CTDSPL2: variants seen among roughly 807,000 people sequenced by gnomAD.
The protein encoded by CTDSPL2 is CTD small phosphatase like 2.
A neutral mutation model predicts 60.0 loss-of-function variants in CTDSPL2; 5 were observed. The observed-to-expected ratio is 0.08, with a 90% CI of 0.04 to 0.18. The LOEUF (loss-of-function observed/expected upper bound fraction) is 0.18, where lower values mean the gene tolerates loss of function less well. Ranked by LOEUF, CTDSPL2 falls within the 10% of genes least tolerant of loss-of-function variation. The probability of loss-of-function intolerance (pLI) is 1.00; values close to 1 mark genes in which losing one functional copy is unlikely to be tolerated. For missense variants in CTDSPL2, 370 were observed against 548.8 expected, an observed-to-expected ratio of 0.67 and a Z score of 3.26; for synonymous variants, 186 against 189.3, an observed-to-expected ratio of 0.98 and a Z score of 0.14.
At position 44,499,411 on chromosome 15, in the gene CTDSPL2, T is replaced by TA. The variant is rs564209908; in HGVS notation, c.883-308dup. Among the ~76,000 whole-genome samples the TA allele has an allele frequency of 5.5e-3, 830 of 151,832 alleles. 5 individuals are homozygous for TA. Among genetic ancestry groups the TA allele is most frequent in the Non-Finnish European group, 7.9e-3 (534 of 67,898 alleles). Reference sequence around the variant, plus strand: ...GAGACTCTGTCTCAAAAAATAAAAATAAAAAAAACACAGAGATTGCTGAGA... The same window carrying TA: ...GAGACTCTGTCTCAAAAAATAAAAATAAAAAAAAACACAGAGATTGCTGAGA... On this transcript the variant is annotated intron_variant, in intron 7 of 12. Transcript: ENST00000260327.
At chr15:44,439,063 A>G (rs1354430206) in intron 1 of CTDSPL2, among the ~76,000 whole-genome samples, 1 of 151,950 alleles carries the variant, frequency 6.6e-6, no homozygotes, top group Non-Finnish European at 1.5e-5. Context: ...TGATGCCTAA[A>G]TTGTATCATT....
intron 4 of CTDSPL2, among the ~76,000 whole-genome samples, chr15:44,487,996 T>C (rs1189640107): frequency 6.6e-6 from 1 of 151,132 alleles, no homozygotes; most frequent in Non-Finnish European, 1.5e-5. Flanking sequence ...CATGTGCCTG[T>C]AATCCCAGCT....
intron 1 of CTDSPL2, among the ~76,000 whole-genome samples, chr15:44,429,285 G>C (rs541138997): frequency 6.6e-6 from 1 of 152,262 alleles, no homozygotes; most frequent in African/African-American, 2.4e-5. Context: ...AAGGCGAATA[G>C]AATAGTGGAG....
At chr15:44,432,074 A>G (rs2079871947) in intron 1 of CTDSPL2, among the ~76,000 whole-genome samples, 1 of 151,876 alleles carries the variant, frequency 6.6e-6, no homozygotes, top group Non-Finnish European at 1.5e-5. Flanking sequence ...GGTGTAGAAT[A>G]TAGGAGCATT....
chr15:44,429,672 C>T (rs1208566652), intron 1 of CTDSPL2, among the ~76,000 whole-genome samples: 1 of 152,154 alleles, frequency 6.6e-6, no homozygotes, highest in Non-Finnish European at 1.5e-5. Flanking sequence ...TCGAGAACAG[C>T]CTGGCCAACA....
chr15:44,480,193 T>C (rs1216816172), intron 2 of CTDSPL2, among the ~76,000 whole-genome samples: 1 of 152,138 alleles, frequency 6.6e-6, no homozygotes, highest in African/African-American at 2.4e-5. Context: ...AGACCCCCTA[T>C]GCTATTGGAT....
intron 1 of CTDSPL2, chr15:44,428,184 G>A (rs1198119610): frequency 6.6e-6 from 1 of 152,478 alleles, no homozygotes; most frequent in South Asian, 2.1e-4. Context: ...GGTGCTTTTA[G>A]GGGGGCGTTG....
chr15:44,445,222 C>T (rs1275546997), intron 1 of CTDSPL2, among the ~76,000 whole-genome samples: 1 of 151,626 alleles, frequency 6.6e-6, no homozygotes, highest in Non-Finnish European at 1.5e-5. Context: ...CTCACTCCGG[C>T]TGTTGCCCTG....
Position 44,431,149 on chromosome 15 carries a change from C to CG in CTDSPL2, c.-25+3381dup, listed in dbSNP as rs755290965. On this transcript the variant is annotated intron_variant, in intron 1 of 12. Coordinates refer to ENST00000260327, the MANE Select transcript of CTDSPL2 (RefSeq NM_016396.3). ...CTTTTTTTTTTTTTTTTAATGGAGACGGGGTCTCGCTGTGTCACCCAGACT... is the reference window on the plus strand; with the variant it reads ...CTTTTTTTTTTTTTTTTAATGGAGACGGGGGTCTCGCTGTGTCACCCAGACT... Among the ~76,000 whole-genome samples, 3 of 148,166 alleles carry CG rather than the reference C, an allele frequency of 2.0e-5. 1 individual carries two copies. Among genetic ancestry groups the CG allele is most frequent in the African/African-American group, 7.5e-5 (3 of 40,166 alleles).
At position 44,484,269 on chromosome 15, in the gene CTDSPL2, A is replaced by C; in HGVS notation, c.232A>C (p.Ile78Leu). 6.2e-7 allele frequency: 1 copy of C among 1,611,838 alleles called. No individual in the cohort carries two copies. The highest frequency in any genetic ancestry group is 8.5e-7 in the Non-Finnish European group (1 of 1,178,032). ...PSKRSRIERD[I>L]DNNLITSTPR... ...AAAACGGAGTAGAATTGAACGTGAT[A>C]TAGATAACAATTTGATCACGTCAAC... The change falls in exon 3 of 13, where the codon ATA becomes CTA. Residue 78 changes from isoleucine (I) to leucine (L), a missense_variant. Ile to Leu is a conservative substitution (Grantham distance 5). Around this residue, in one of 6 missense-constraint regions of CTDSPL2, gnomAD observed 287 missense variants for 296.1 expected, o/e 0.97. Transcript: ENST00000260327.
chr15:44,435,256 CAAAAAAAA>C (rs35787192), intron 1 of CTDSPL2, among the ~76,000 whole-genome samples: 1 of 46,066 alleles, frequency 2.2e-5, no homozygotes, highest in Non-Finnish European at 4.8e-5. Context: ...GACTCCGTCT[CAAAAAAAA>C]AAAAAAAAAA....
chr15:44,456,860 T>TTTTTC (rs2080455200), intron 1 of CTDSPL2, among the ~76,000 whole-genome samples: 1 of 149,568 alleles, frequency 6.7e-6, no homozygotes, highest in African/African-American at 2.5e-5. Flanking sequence ...GATCTTTTTT[T>TTTTTC]TTTTTCTTTT....
chr15:44,486,098 A>G (rs1298795992), intron 3 of CTDSPL2, among the ~76,000 whole-genome samples: 1 of 152,142 alleles, frequency 6.6e-6, no homozygotes, highest in Non-Finnish European at 1.5e-5. Context: ...GCTTCAGTAG[A>G]GTTATGTTGC....
chr15:44,442,689 A>C (rs2080116126), intron 1 of CTDSPL2, among the ~76,000 whole-genome samples: 1 of 151,946 alleles, frequency 6.6e-6, no homozygotes, highest in Admixed American at 6.6e-5. Flanking sequence ...GCAAAAAAAA[A>C]ATAGGGCCAG....
At position 44,459,092 on chromosome 15, in the gene CTDSPL2, A is replaced by G. The variant is rs1369896191; in HGVS notation, c.78A>G (p.Lys26=). ...AACGCACTGCCAGAGCAAAGAGGAA[A>G]TATTCAGAGGTTGATGATAGCCTGC... is the stretch of plus-strand genomic sequence containing the variant. ...QTQRTARAKR[K]YSEVDDSLPS... The change falls in exon 2 of 13, where the codon AAA becomes AAG. Residue 26 remains lysine (K), a synonymous_variant. Coordinates refer to ENST00000260327, the MANE Select transcript of CTDSPL2 (RefSeq NM_016396.3). The G allele has an allele frequency of 1.9e-6, 3 of 1,613,158 alleles. No individual in the cohort carries two copies. Among genetic ancestry groups the G allele is most frequent in the East Asian group, 2.2e-5 (1 of 44,738 alleles).
intron 2 of CTDSPL2, among the ~76,000 whole-genome samples, chr15:44,476,508 T>C (rs80317842): frequency 7.4e-4 from 112 of 152,320 alleles, no homozygotes; most frequent in African/African-American, 2.6e-3. Context: ...CACATAAATA[T>C]ATATATACAG....
intron 2 of CTDSPL2, among the ~76,000 whole-genome samples, chr15:44,460,151 T>C (rs1054391733): frequency 6.6e-6 from 1 of 152,156 alleles, no homozygotes; most frequent in Non-Finnish European, 1.5e-5. Context: ...TTGCTCTGTC[T>C]CCAGGCTGGA....
At chr15:44,464,489 C>T (rs988010417) in intron 2 of CTDSPL2, among the ~76,000 whole-genome samples, 5 of 152,100 alleles carry the variant, frequency 3.3e-5, no homozygotes, top group African/African-American at 7.2e-5. Context: ...TATTATTTCT[C>T]CTTTATTATT....
intron 7 of CTDSPL2, among the ~76,000 whole-genome samples, chr15:44,498,883 G>A (rs76710737): frequency 0.099 from 15,086 of 152,094 alleles, 1,541 homozygotes; most frequent in African/African-American, 0.24. Context: ...TACATGAAAC[G>A]TAATTTGTGA....
Sources: gnomAD v4.1 joint callset for allele counts (sites outside exome capture counted in the v4.1 genomes callset) on GRCh38, gnomAD v4.1.1 for gene constraint, gnomAD v4.1.1 regional missense constraint, MANE v1.5 for transcripts, NCBI Gene and HGNC (gene_info 2026-07-23, HGNC 2026-07-21) for gene names.